The following GNA11 variants were observed in gnomAD, a reference collection of about 807,000 sequenced individuals.
The protein encoded by GNA11 is G protein subunit alpha 11, also known as guanine nucleotide-binding protein subunit alpha-11.
A neutral mutation model predicts 38.2 loss-of-function variants in GNA11; 8 were observed. The ratio of observed to expected loss-of-function variants is 0.21; its 90% CI spans 0.12 to 0.38. The LOEUF is 0.38. Among genes scored for constraint, GNA11 ranks in the 10% least tolerant of loss-of-function variants. The probability of loss-of-function intolerance (pLI) is 1.00; values close to 1 mark genes in which losing one functional copy is unlikely to be tolerated. For missense variants in GNA11, 268 were observed against 516.3 expected (o/e 0.52, Z 4.66); for synonymous variants, 211 against 221.4 (o/e 0.95, Z 0.42).
rs2145320598 is a variant in GNA11 at position 3,114,927 on chromosome 19, C to T, written c.477-17C>T. 1 of 1,593,772 alleles carries T rather than the reference C, an allele frequency of 6.3e-7. No individual in the cohort carries two copies. The highest frequency in any genetic ancestry group is 1.4e-5 in the African/African-American group (1 of 72,904). Reference sequence around the variant, plus strand: ...CACCCCCGGCAGCCGGCCTGAGCACCCACCGCTGTGTTGCAGCTACCTGAC... The same window carrying T: ...CACCCCCGGCAGCCGGCCTGAGCACTCACCGCTGTGTTGCAGCTACCTGAC... On this transcript the variant is annotated splice_polypyrimidine_tract_variant and intron_variant, in intron 3 of 6. Transcript: ENST00000078429.
chr19:3,105,811 T>C (rs1913626418), intron 1 of GNA11, among the ~76,000 whole-genome samples: 1 of 152,156 alleles, frequency 6.6e-6, no homozygotes, highest in Non-Finnish European at 1.5e-5. Flanking sequence ...AGCTTTGGCT[T>C]TTTGGCTTTT....
At chr19:3,106,354 CAG>C (rs1218324509) in intron 1 of GNA11, among the ~76,000 whole-genome samples, 1 of 152,226 alleles carries the variant, frequency 6.6e-6, no homozygotes, top group Non-Finnish European at 1.5e-5. Flanking sequence ...CGCGGGGAGA[CAG>C]GGCGATTTGA....
chr19:3,113,614 C>T, intron 3 of GNA11, 130 bp downstream of exon 3: 1 of 668,194 alleles, frequency 1.5e-6, no homozygotes, highest in Non-Finnish European at 2.5e-6. Flanking sequence ...ATGCGGTGGG[C>T]CCGGGCCACC....
chr19:3,122,989 C>T lies in GNA11; in HGVS notation c.*1810C>T, dbSNP rs892324209. ...ACACCACTTCTGTCTCACCCGGAAG[C>T]GTCCTTTTTTTGTGCCAGGTGTCTA... On this transcript the variant is annotated 3_prime_UTR_variant, in exon 7 of 7. Transcript: ENST00000078429. The surrounding 1 kb of genome is among the most constrained non-coding windows in gnomAD (Gnocchi z 7.7). 2.1e-5 allele frequency: 5 copies of T among 233,134 alleles called. No individual in the cohort carries two copies. The highest frequency in any genetic ancestry group is 6.6e-5 in the African/African-American group (3 of 45,322). The allele number at this position is 233,134 out of a possible 1,614,324, so 14.4% of individuals were successfully genotyped here. A position where few individuals can be genotyped will look rare whatever the true frequency, so the allele number is the denominator to read the frequency against.
chr19:3,110,479 G>A lies in GNA11; in HGVS notation c.321+146G>A, dbSNP rs1599302267. 4.7e-6 allele frequency: 3 copies of A among 636,232 alleles called. No homozygotes were observed. The East Asian group carries it at 8.3e-5, about 18-fold the overall frequency. The allele number at this position is 636,232 out of a possible 1,614,324, so 39.4% of individuals were successfully genotyped here. Reference sequence around the variant, plus strand: ...CTGGTCATCCATCCGTTCCTGTCATGGACATGGAAACAGCAACCGCTGACT... The same window carrying A: ...CTGGTCATCCATCCGTTCCTGTCATAGACATGGAAACAGCAACCGCTGACT... On this transcript the variant is annotated intron_variant, in intron 2 of 6. Transcript: ENST00000078429. The surrounding 1 kb of genome is among the most constrained non-coding windows in gnomAD (Gnocchi z 5.4).
intron 2 of GNA11, among the ~76,000 whole-genome samples, chr19:3,113,039 C>CCGT (rs1274791401): frequency 6.6e-6 from 1 of 152,196 alleles, no homozygotes; most frequent in Non-Finnish European, 1.5e-5. Flanking sequence ...GTTCCCCACA[C>CCGT]CGTCCCCTCC....
chr19:3,115,230 C>T (rs1305210188), intron 4 of GNA11, 158 bp downstream of exon 4: 2 of 757,390 alleles, frequency 2.6e-6, no homozygotes, highest in Non-Finnish European at 4.3e-6. Context: ...ATAGCCAGAC[C>T]TCATATCTAA....
chr19:3,107,592 A>G (rs551116575), intron 1 of GNA11, among the ~76,000 whole-genome samples: 2 of 152,316 alleles, frequency 1.3e-5, no homozygotes, highest in South Asian at 4.1e-4. Flanking sequence ...ACACCCTTCC[A>G]AACAAACACG....
Position 3,110,355 on chromosome 19 carries a change from G to A in GNA11, c.321+22G>A. On this transcript the variant is annotated intron_variant, in intron 2 of 6. Coordinates refer to ENST00000078429, the MANE Select transcript of GNA11 (RefSeq NM_002067.5). The surrounding 1 kb of genome is among the most constrained non-coding windows in gnomAD (Gnocchi z 5.4). ...CAAGGTGAGCCCGCGGGCGCCTGGG[G>A]AGGGGAGCGCCTGGGCAGCTGTGGG... is the stretch of plus-strand genomic sequence containing the variant. The A allele has an allele frequency of 1.3e-6, 2 of 1,592,380 alleles. No individual in the cohort carries two copies. The highest frequency in any genetic ancestry group is 1.1e-5 in the South Asian group (1 of 90,620).
At chr19:3,097,817 G>A (rs987288607) in intron 1 of GNA11, among the ~76,000 whole-genome samples, 2 of 152,278 alleles carry the variant, frequency 1.3e-5, no homozygotes, top group Admixed American at 1.3e-4. Flanking sequence ...ACATTGGTCC[G>A]GGTTGGTCTC....
intron 1 of GNA11, among the ~76,000 whole-genome samples, chr19:3,102,126 AAAC>A (rs1269214408): frequency 1.3e-5 from 2 of 150,210 alleles, no homozygotes; most frequent in African/African-American, 5.0e-5. Context: ...AAAACAAAAC[AAAC>A]AAAAAAAAAA....
chr19:3,100,081 A>T (rs1913466319), intron 1 of GNA11, among the ~76,000 whole-genome samples: 1 of 152,182 alleles, frequency 6.6e-6, no homozygotes, highest in Non-Finnish European at 1.5e-5. Flanking sequence ...TGTGGCACAC[A>T]TTGGGTGCTC....
Position 3,094,742 on chromosome 19 carries a change from C to T in GNA11, c.91C>T (p.Arg31Trp), listed in dbSNP as rs1599293133. The change falls in exon 1 of 7, where the codon CGG becomes TGG. Residue 31 changes from arginine (R) to tryptophan (W), a missense_variant. Physicochemically the swap from Arg to Trp is moderately radical, Grantham distance 101. Transcript: ENST00000078429. The surrounding 1 kb of genome is among the most constrained non-coding windows in gnomAD (Gnocchi z 6.0). Reference sequence around the variant, plus strand: ...CGCCGAGATCGAGAAGCAGCTGCGGCGGGACAAGCGCGACGCCCGGCGCGA... The same window carrying T: ...CGCCGAGATCGAGAAGCAGCTGCGGTGGGACAAGCGCGACGCCCGGCGCGA... ...INAEIEKQLR[R>W]DKRDARRELK... 1 of 1,590,080 alleles carries T rather than the reference C, an allele frequency of 6.3e-7. No individual in the cohort carries two copies. The highest frequency in any genetic ancestry group is 8.5e-7 in the Non-Finnish European group (1 of 1,170,210).
intron 1 of GNA11, among the ~76,000 whole-genome samples, chr19:3,099,532 C>T (rs1913451789): frequency 6.6e-6 from 1 of 152,212 alleles, no homozygotes. Flanking sequence ...CTGTGTGGAG[C>T]ATCCCGCCCG....
At chr19:3,104,461 A>G (rs2145310243) in intron 1 of GNA11, among the ~76,000 whole-genome samples, 1 of 152,312 alleles carries the variant, frequency 6.6e-6, no homozygotes, top group Admixed American at 6.5e-5. Flanking sequence ...ACCAGGAACC[A>G]TGCTTGCACA....
intron 2 of GNA11, among the ~76,000 whole-genome samples, chr19:3,112,921 G>C (rs938959005): frequency 6.6e-6 from 1 of 152,230 alleles, no homozygotes; most frequent in Non-Finnish European, 1.5e-5. Context: ...TCGAGGCAGC[G>C]AGTGCTGGGG....
In GNA11 at chr19:3,119,224, A is replaced by C; in HGVS notation, c.754A>C (p.Lys252Gln). The change falls in exon 6 of 7, where the codon AAA becomes CAA. Residue 252 changes from lysine (K) to glutamine (Q), a missense_variant. Physicochemically the swap from Lys to Gln is moderately conservative, Grantham distance 53 (BLOSUM62 1). This residue lies in a region of GNA11 where 92 missense variants were observed against 166.7 expected (regional missense o/e 0.55). Coordinates refer to ENST00000078429, the MANE Select transcript of GNA11 (RefSeq NM_002067.5). The surrounding 1 kb of genome is among the most constrained non-coding windows in gnomAD (Gnocchi z 4.6). ...SDNENRMEESKALFRTIITYP... is the reference protein window; with the variant it reads ...SDNENRMEESQALFRTIITYP... ...CCGCCAGAACCGGATGGAGGAGAGC[A>C]AAGCCCTGTTCCGGACCATCATCAC... 1 of 1,613,918 alleles carries C rather than the reference A, an allele frequency of 6.2e-7. No individual in the cohort carries two copies. The highest frequency in any genetic ancestry group is 1.3e-5 in the African/African-American group (1 of 75,032).
intron 1 of GNA11, among the ~76,000 whole-genome samples, chr19:3,099,409 G>T (rs781327027): frequency 6.6e-6 from 1 of 152,208 alleles, no homozygotes; most frequent in East Asian, 1.9e-4. Context: ...GAAGGCCCAC[G>T]TGCAGGGTCA....
chr19:3,098,040 A>C (rs1913415914), intron 1 of GNA11, among the ~76,000 whole-genome samples: 1 of 152,232 alleles, frequency 6.6e-6, no homozygotes, highest in South Asian at 2.1e-4. Context: ...AGGGATAATG[A>C]GTGCAAATTA....
Sources: gnomAD v4.1 joint callset for allele counts (sites outside exome capture counted in the v4.1 genomes callset) on GRCh38, gnomAD v4.1.1 for gene constraint, gnomAD v4.1.1 regional missense constraint, Gnocchi (gnomAD v3.1) non-coding constraint, MANE v1.5 for transcripts, NCBI Gene and HGNC (gene_info 2026-07-23, HGNC 2026-07-21) for gene names.